Variants in MROH9 observed in about 807,000 individuals in gnomAD.
MROH9 encodes maestro heat-like repeat-containing protein family member 9.
A neutral mutation model predicts 98.2 loss-of-function variants in MROH9; 92 were observed. The ratio of observed to expected loss-of-function variants is 0.94; its 90% CI spans 0.79 to 1.11. The LOEUF is 1.11. MROH9 is among the 50% of genes most tolerant of loss of function. The pLI is 0.00. For missense variants in MROH9, 1,057 were observed against 1,014.8 expected (o/e 1.04, Z -0.57); for synonymous variants, 397 against 368.9 (o/e 1.08, Z -0.87).
chr1:170,979,244 T>C (rs1283612696), intron 8 of MROH9, among the ~76,000 whole-genome samples: 1 of 152,204 alleles, frequency 6.6e-6, no homozygotes, highest in East Asian at 1.9e-4. Flanking sequence ...TGAGGTTATG[T>C]CTGCACTTAA....
At chr1:171,040,019 C>A (rs375346820) in intron 20 of MROH9, among the ~76,000 whole-genome samples, 2 of 151,900 alleles carry the variant, frequency 1.3e-5, no homozygotes, top group Non-Finnish European at 2.9e-5. Context: ...TTTGAGACAA[C>A]ATAGATGGTC....
chr1:170,976,214 C>G (rs955762875), intron 8 of MROH9, among the ~76,000 whole-genome samples: 4 of 152,130 alleles, frequency 2.6e-5, no homozygotes, highest in African/African-American at 7.2e-5. Context: ...ATTACGCAGA[C>G]TTGTTCGTGT....
intron 20 of MROH9, among the ~76,000 whole-genome samples, chr1:171,034,787 G>A (rs1465647030): frequency 1.3e-5 from 2 of 152,160 alleles, no homozygotes; most frequent in African/African-American, 2.4e-5. Flanking sequence ...AGTTTCACCA[G>A]ATACCAAGAT....
In MROH9 at chr1:170,996,516, G is replaced by A. The variant is rs550334952; in HGVS notation, c.1347G>A (p.Gln449=). ...PILKDRALYA[Q]DALRVLLNCS... ...TCTTTTGGGGCTTTAGGTATGCCCA[G>A]GATGCCCTGAGAGTTCTGCTGAATT... is the stretch of plus-strand genomic sequence containing the variant. Residue 449 remains glutamine (Q), a synonymous_variant, in exon 14 of 22, where the codon CAG becomes CAA. Transcript: ENST00000367759. 3 of 1,613,248 alleles carry A rather than the reference G, an allele frequency of 1.9e-6. No homozygotes were observed. The African/African-American group carries it at 4.0e-5, about 22-fold the overall frequency.
chr1:171,054,197 T>C (rs1653757113), intron 20 of MROH9, among the ~76,000 whole-genome samples: 1 of 152,140 alleles, frequency 6.6e-6, no homozygotes, highest in Non-Finnish European at 1.5e-5. Context: ...TTTAGACCAA[T>C]GAAGCAGAAT....
intron 4 of MROH9, 76 bp downstream of exon 4, chr1:170,958,616 TTG>T: frequency 9.8e-7 from 1 of 1,019,982 alleles, no homozygotes; most frequent in Non-Finnish European, 1.5e-6. Flanking sequence ...AAACATGCAA[TTG>T]TGAAAGATAA....
chr1:171,034,321 A>G (rs1653026947), intron 20 of MROH9, among the ~76,000 whole-genome samples: 1 of 152,202 alleles, frequency 6.6e-6, no homozygotes, highest in Admixed American at 6.5e-5. Context: ...ACATTATTAG[A>G]GGATGGAATT....
intron 20 of MROH9, among the ~76,000 whole-genome samples, chr1:171,041,496 T>C (rs1449996279): frequency 2.7e-5 from 4 of 150,786 alleles, no homozygotes; most frequent in Non-Finnish European, 5.9e-5. Context: ...GTTGATTGCA[T>C]GACTTTGCTA....
chr1:171,040,583 T>C (rs1384977783), intron 20 of MROH9, among the ~76,000 whole-genome samples: 1 of 152,062 alleles, frequency 6.6e-6, no homozygotes, highest in African/African-American at 2.4e-5. Flanking sequence ...AAGTAAAAAA[T>C]AGATAATCTT....
rs115368410 is a variant in MROH9, at chr1:170,951,854, A to C, written c.72+4281A>C. Among the ~76,000 whole-genome samples, 391 of 152,244 alleles carry C rather than the reference A, an allele frequency of 2.6e-3. 5 individuals carry two copies. The highest frequency in any genetic ancestry group is 8.7e-3 in the African/African-American group (363 of 41,562). On this transcript the variant is annotated intron_variant, in intron 3 of 21. Transcript: ENST00000367759. The stretch of plus-strand genomic sequence containing the variant: ...TCAGTCACCTGTGGCTTTAGCTATA[A>C]AGTGAGAGCACCTTTTGTGCAGAAG...
At chr1:171,047,331 A>T (rs549169351) in intron 20 of MROH9, among the ~76,000 whole-genome samples, 10 of 152,028 alleles carry the variant, frequency 6.6e-5, no homozygotes, top group African/African-American at 2.4e-4. Context: ...GCTATTCTAG[A>T]TCTTGTAGGC....
chr1:170,945,639 TA>T (rs1649301598), intron 2 of MROH9, 58 bp downstream of exon 2: 1 of 1,445,982 alleles, frequency 6.9e-7, no homozygotes, highest in African/African-American at 1.4e-5. Context: ...TATGTGTGTG[TA>T]TGAGTGACAG....
At chr1:170,990,082 C>G in intron 11 of MROH9, 79 bp downstream of exon 11, 1 of 1,395,776 alleles carries the variant, frequency 7.2e-7, no homozygotes, top group Non-Finnish European at 9.7e-7. Flanking sequence ...GGGTTCAACT[C>G]TCAATCTACC....
At chr1:170,941,763 C>T (rs1166738579) in intron 1 of MROH9, among the ~76,000 whole-genome samples, 2 of 152,208 alleles carry the variant, frequency 1.3e-5, no homozygotes, top group East Asian at 3.9e-4. Context: ...GATGGTGGGA[C>T]TTCCCTCACA....
Position 171,034,122 on chromosome 1 carries a change from T to TA in MROH9, c.2281+8709dup, listed in dbSNP as rs960202395. ...TATTCCATATTTTATAGTTGAATAC[T>TA]AAAAAAACTTTTATAGTATTCAACT... On this transcript the variant is annotated intron_variant, in intron 20 of 21. Coordinates refer to ENST00000367759, the MANE Select transcript of MROH9 (RefSeq NM_001163629.2). 6.1e-4 allele frequency among the ~76,000 whole-genome samples: 93 copies of TA among 152,118 alleles called. 1 individual carries two copies. Among genetic ancestry groups the TA allele is most frequent in the African/African-American group, 2.1e-3 (87 of 41,534 alleles).
At chr1:170,965,060 A>C in intron 6 of MROH9, 91 bp from the exon 7 acceptor site, 3 of 750,468 alleles carry the variant, frequency 4.0e-6, no homozygotes, top group Non-Finnish European at 6.8e-6. Context: ...GAATGTAGGA[A>C]GGCCTGATTT....
intron 8 of MROH9, among the ~76,000 whole-genome samples, chr1:170,976,943 CT>C (rs1269996506): frequency 6.6e-6 from 1 of 151,654 alleles, no homozygotes; most frequent in Non-Finnish European, 1.5e-5. Context: ...ATTCTGGTTT[CT>C]TTTTTTTCTT....
chr1:171,064,107 C>T lies in MROH9; in HGVS notation c.2353C>T (p.Arg785Ter), dbSNP rs748211477. 64 of 1,535,702 alleles carry T rather than the reference C, an allele frequency of 4.2e-5. No homozygotes were observed. The highest frequency in any genetic ancestry group is 1.7e-4 in the Middle Eastern group (1 of 5,880). The change falls in exon 22 of 22, where the codon CGA becomes TGA. Residue 785 changes from arginine (R) to a stop codon, truncating the protein, a stop_gained. Coordinates refer to ENST00000367759, the MANE Select transcript of MROH9 (RefSeq NM_001163629.2). LOFTEE classifies it low-confidence loss of function (END_TRUNC). ...EIEVMLDVIERLLRDEDPMIK... is the reference protein window; with the variant it reads ...EIEVMLDVIE The stretch of plus-strand genomic sequence containing the variant: ...CTCTTCTGATATTACAGTTATTGAA[C>T]GACTGCTCCGAGATGAAGACCCTAT...
At chr1:171,002,362 T>G (rs533435364) in intron 15 of MROH9, among the ~76,000 whole-genome samples, 8 of 152,238 alleles carry the variant, frequency 5.3e-5, no homozygotes, top group Non-Finnish European at 1.0e-4. Flanking sequence ...GTGTGATTTA[T>G]GCTTTAAAGA....
Sources: allele counts gnomAD v4.1 joint callset (sites outside exome capture counted in the v4.1 genomes callset), GRCh38; gene constraint gnomAD v4.1.1; transcripts MANE v1.5; gene names NCBI Gene and HGNC (gene_info 2026-07-23, HGNC 2026-07-21).